Variants in TCF20 observed in about 807,000 individuals in gnomAD.
TCF20 encodes the protein transcription factor 20, also known as SPRE-binding protein.
TCF20 carries 3 observed loss-of-function variants against 148.6 expected under a neutral mutation model. The ratio of observed to expected loss-of-function variants is 0.02; its 90% CI spans 0.01 to 0.05. The LOEUF (loss-of-function observed/expected upper bound fraction) is 0.05. TCF20 is among the 10% of genes least tolerant of loss of function. The probability of loss-of-function intolerance (pLI) is 1.00; values close to 1 mark genes in which losing one functional copy is unlikely to be tolerated. For synonymous variants in TCF20, 1,049 were observed against 909.5 expected (o/e 1.15, Z -2.76); for missense variants, 2,350 against 2,429.3 (o/e 0.97, Z 0.69).
intron 1 of TCF20, among the ~76,000 whole-genome samples, chr22:42,310,530 A>C: frequency 6.6e-6 from 1 of 152,176 alleles, no homozygotes; most frequent in East Asian, 1.9e-4. Flanking sequence ...GCAGTGTTTC[A>C]GCCAGGCTAG....
intron 1 of TCF20, among the ~76,000 whole-genome samples, chr22:42,295,833 TCAG>T (rs974798453): frequency 1.4e-4 from 21 of 152,090 alleles, no homozygotes; most frequent in African/African-American, 5.1e-4. Context: ...ACTCCCCACC[TCAG>T]CAGCAGAAAT....
At chr22:42,320,166 C>T (rs1927706076) in intron 1 of TCF20, among the ~76,000 whole-genome samples, 1 of 152,226 alleles carries the variant, frequency 6.6e-6, no homozygotes. Flanking sequence ...CTGCTCCAGT[C>T]ACCCGCCTTC....
rs548642993 is a variant in TCF20 at position 42,261,764 on chromosome 22, T to A, written c.-37+8575A>T. On this transcript the variant is annotated intron_variant, in intron 1 of 5. Transcript: ENST00000677622. ...ATCCCAGCACTTTGGGAGGCCGAGG[T>A]GGGCAGATCACGAGGTCAGGAGTTC... Among the ~76,000 whole-genome samples, 58 of 152,196 alleles carry A rather than the reference T, an allele frequency of 3.8e-4. 1 individual carries two copies. The South Asian group carries it at 9.8e-3, about 26-fold the overall frequency.
At chr22:42,316,196 G>A (rs901022232) in intron 1 of TCF20, among the ~76,000 whole-genome samples, 5 of 151,968 alleles carry the variant, frequency 3.3e-5, no homozygotes, top group Non-Finnish European at 5.9e-5. Flanking sequence ...GGGAGCCCTG[G>A]CAGCTTCCAA....
intron 1 of TCF20, among the ~76,000 whole-genome samples, chr22:42,232,717 G>A (rs1235976410): frequency 1.3e-5 from 2 of 150,678 alleles, no homozygotes; most frequent in African/African-American, 4.9e-5. Context: ...TGTGGTCCCA[G>A]CAACCCGGGA....
At chr22:42,282,907 G>T (rs796736873) in intron 1 of TCF20, among the ~76,000 whole-genome samples, 1 of 135,592 alleles carries the variant, frequency 7.4e-6, no homozygotes, top group African/African-American at 2.7e-5. Context: ...AAAGCCCCAC[G>T]CCGCCCAGCA....
intron 1 of TCF20, among the ~76,000 whole-genome samples, chr22:42,314,906 G>A (rs1238207670): frequency 1.3e-5 from 2 of 152,106 alleles, no homozygotes; most frequent in Non-Finnish European, 2.9e-5. Flanking sequence ...CTGAATGAGG[G>A]GAGGTGGCAG....
chr22:42,302,092 G>C (rs1927346925), intron 1 of TCF20, among the ~76,000 whole-genome samples: 2 of 152,228 alleles, frequency 1.3e-5, no homozygotes. Context: ...AGGAGGGACA[G>C]CTAATGGGAC....
rs531501626 is a variant in TCF20 at position 42,248,317 on chromosome 22, A to G, written c.-37+22022T>C. Among the ~76,000 whole-genome samples the G allele has an allele frequency of 5.3e-5, 8 of 152,350 alleles. No homozygotes were observed. In the South Asian group the frequency reaches 1.7e-3, roughly 32 times the overall value. On this transcript the variant is annotated intron_variant, in intron 1 of 5. Transcript: ENST00000677622. ...AGGTTTTGAAGCCACATAGAGTTGC[A>G]TGCCAGCCCTGGCTCTATCACTTGG... is the stretch of plus-strand genomic sequence containing the variant.
At chr22:42,227,866 CTACTGCTGATATT>C (rs1923055801) in intron 1 of TCF20, among the ~76,000 whole-genome samples, 1 of 152,202 alleles carries the variant, frequency 6.6e-6, no homozygotes. Context: ...ACCCATCCCA[CTACTGCTGATATT>C]TACCACATTC....
intron 1 of TCF20, among the ~76,000 whole-genome samples, chr22:42,230,354 C>T (rs953996159): frequency 6.6e-6 from 1 of 152,182 alleles, no homozygotes; most frequent in African/African-American, 2.4e-5. Flanking sequence ...ACCTAATATA[C>T]TGCCAGTGGT....
At chr22:42,175,030 G>A (rs1936366420) in intron 3 of TCF20, among the ~76,000 whole-genome samples, 2 of 150,146 alleles carry the variant, frequency 1.3e-5, no homozygotes, top group African/African-American at 2.5e-5. Flanking sequence ...GCGAGACTCT[G>A]TCTCAAAAAA....
chr22:42,262,107 C>T (rs1926058851), intron 1 of TCF20, among the ~76,000 whole-genome samples: 1 of 152,142 alleles, frequency 6.6e-6, no homozygotes, highest in Admixed American at 6.5e-5. Flanking sequence ...CAGGCAGAAG[C>T]CAGATTATTC....
At chr22:42,232,689 G>A (rs993147335) in intron 1 of TCF20, among the ~76,000 whole-genome samples, 4 of 151,868 alleles carry the variant, frequency 2.6e-5, no homozygotes, top group East Asian at 2.0e-4. Flanking sequence ...AAATTAGCAC[G>A]GCGTGGTGGC....
Position 42,212,497 on chromosome 22 carries a change from T to C in TCF20, c.2809A>G (p.Lys937Glu), listed in dbSNP as rs1388982737. Residue 937 changes from lysine to glutamate, a missense_variant, in exon 2 of 6, where the codon AAA becomes GAA. By Grantham distance (56) the Lys-to-Glu change is moderately conservative. Coordinates refer to ENST00000677622, the MANE Select transcript of TCF20 (RefSeq NM_001378418.1). Reference protein sequence around the residue: ...QIKEEDFEQSKSQASFNNKKS... With the variant: ...QIKEEDFEQSESQASFNNKKS... Reference sequence around the variant, plus strand: ...TTGTTGTTGAAACTAGCTTGAGATTTAGACTGTTCAAAGTCTTCCTCTTTT... The same window carrying C: ...TTGTTGTTGAAACTAGCTTGAGATTCAGACTGTTCAAAGTCTTCCTCTTTT... The C allele has an allele frequency of 7.4e-6, 12 of 1,614,240 alleles. No individual in the cohort carries two copies. Among genetic ancestry groups the C allele is most frequent in the Non-Finnish European group, 1.0e-5 (12 of 1,180,030 alleles).
chr22:42,284,258 C>A (rs570281695), upstream of TCF20, among the ~76,000 whole-genome samples: 22 of 152,276 alleles, frequency 1.4e-4, no homozygotes, highest in African/African-American at 5.1e-4. Context: ...TAGATAGGGG[C>A]GATTATGTGT....
chr22:42,205,356 G>A lies in TCF20; in HGVS notation c.5655+4295C>T, dbSNP rs941561340. Among the ~76,000 whole-genome samples the A allele has an allele frequency of 2.2e-4, 33 of 147,200 alleles. 1 individual carries two copies. The highest frequency in any genetic ancestry group is 1.4e-3 in the Admixed American group (21 of 15,078). On this transcript the variant is annotated intron_variant, in intron 2 of 5. Coordinates refer to ENST00000677622, the MANE Select transcript of TCF20 (RefSeq NM_001378418.1). ...TAAATATAGAAATGTTCTAGTTTTC[G>A]GCAATTTTCAGAGTAGTGTGACACA...
chr22:42,186,028 C>T (rs1211735234), intron 2 of TCF20, among the ~76,000 whole-genome samples: 3 of 152,228 alleles, frequency 2.0e-5, no homozygotes, highest in Admixed American at 6.5e-5. Context: ...CCTACAGCTG[C>T]TCCGGCAAAA....
intron 3 of TCF20, among the ~76,000 whole-genome samples, chr22:42,174,544 A>G (rs2147075276): frequency 6.6e-6 from 1 of 152,326 alleles, no homozygotes; most frequent in Middle Eastern, 3.4e-3. Flanking sequence ...CAAAACTCAC[A>G]GTATTCCCAA....
Sources: allele counts gnomAD v4.1 joint callset (sites outside exome capture counted in the v4.1 genomes callset), GRCh38; gene constraint gnomAD v4.1.1; transcripts MANE v1.5; gene names NCBI Gene and HGNC (gene_info 2026-07-23, HGNC 2026-07-21).